Variants in ZBTB20 observed in about 807,000 individuals in gnomAD.
The protein encoded by ZBTB20 is zinc finger and BTB domain containing 20.
Under a neutral mutation model 56.9 loss-of-function variants are expected in ZBTB20, and 9 were observed. That is an observed-to-expected ratio of 0.16 (90% confidence interval 0.10 to 0.28). The LOEUF (loss-of-function observed/expected upper bound fraction) is 0.28. Among genes scored for constraint, ZBTB20 ranks in the 10% least tolerant of loss-of-function variants. The probability of loss-of-function intolerance (pLI) is 1.00; values close to 1 mark genes in which losing one functional copy is unlikely to be tolerated. For synonymous variants in ZBTB20, 417 were observed against 420.7 expected (o/e 0.99, Z 0.11); for missense variants, 655 against 1,003.0 (o/e 0.65, Z 4.69).
At chr3:114,911,316 C>G (rs2107709705) in intron 3 of ZBTB20, among the ~76,000 whole-genome samples, 1 of 151,988 alleles carries the variant, frequency 6.6e-6, no homozygotes, top group Non-Finnish European at 1.5e-5. Flanking sequence ...ACAAAGGGGC[C>G]TGGAAGAAGT....
intron 2 of ZBTB20, among the ~76,000 whole-genome samples, chr3:115,042,689 C>A (rs75716958): frequency 0.019 from 2,830 of 152,286 alleles, 35 homozygotes; most frequent in Middle Eastern, 0.037. Flanking sequence ...CACACTCATA[C>A]AAAATGCATT....
At chr3:114,894,960 A>G (rs1405335169) in intron 4 of ZBTB20, among the ~76,000 whole-genome samples, 1 of 152,102 alleles carries the variant, frequency 6.6e-6, no homozygotes, top group East Asian at 1.9e-4. Context: ...AATCAATTCT[A>G]TATATATTAT....
chr3:114,759,702 AT>A (rs922889008), intron 5 of ZBTB20, among the ~76,000 whole-genome samples: 1 of 152,070 alleles, frequency 6.6e-6, no homozygotes, highest in Non-Finnish European at 1.5e-5. Context: ...TAAAAAAAAA[AT>A]CTCATACCTC....
chr3:114,892,033 C>T (rs147160668), intron 4 of ZBTB20, among the ~76,000 whole-genome samples: 7 of 151,210 alleles, frequency 4.6e-5, no homozygotes, highest in Non-Finnish European at 7.4e-5. Flanking sequence ...GGCGACAGAG[C>T]GAGACTCCAT....
At chr3:114,529,864 T>C (rs1360656200) in intron 6 of ZBTB20, among the ~76,000 whole-genome samples, 2 of 152,238 alleles carry the variant, frequency 1.3e-5, no homozygotes, top group Non-Finnish European at 2.9e-5. Context: ...GCCTTTTTTA[T>C]ATATTTGTGT....
Position 114,335,062 on chromosome 3 carries a change from T to C in ZBTB20, c.*3943A>G, listed in dbSNP as rs2079403999. ...TGATGCTGAGATAATACCAGTGTTT[T>C]TAGTGGTAGAAAATATTATTTTTTT... is the stretch of plus-strand genomic sequence containing the variant. On this transcript the variant is annotated 3_prime_UTR_variant, in exon 12 of 12. Coordinates refer to ENST00000675478, the MANE Select transcript of ZBTB20 (RefSeq NM_001348800.3). The C allele has an allele frequency of 6.6e-6, 1 of 152,212 alleles. No homozygotes were observed. The highest frequency in any genetic ancestry group is 2.4e-5 in the African/African-American group (1 of 41,458). 9.4% of individuals were successfully genotyped at this position (152,212 alleles called of 1,614,324 possible).
At chr3:114,645,880 G>A (rs1423606590) in intron 6 of ZBTB20, among the ~76,000 whole-genome samples, 1 of 151,868 alleles carries the variant, frequency 6.6e-6, no homozygotes, top group East Asian at 1.9e-4. Flanking sequence ...TTAGTTTTTT[G>A]CCAAACAAAT....
intron 4 of ZBTB20, among the ~76,000 whole-genome samples, chr3:114,826,081 G>T (rs2073509082): frequency 6.6e-6 from 1 of 151,538 alleles, no homozygotes; most frequent in Admixed American, 6.6e-5. Context: ...GCCTTTAGTT[G>T]CCATAAACAA....
intron 5 of ZBTB20, among the ~76,000 whole-genome samples, chr3:114,735,274 A>T (rs978377130): frequency 4.6e-5 from 7 of 152,246 alleles, no homozygotes; most frequent in African/African-American, 1.7e-4. Flanking sequence ...GTTTCTAATA[A>T]GATTTAGTTT....
chr3:114,846,558 A>G (rs2074715788), intron 4 of ZBTB20, among the ~76,000 whole-genome samples: 1 of 152,214 alleles, frequency 6.6e-6, no homozygotes, highest in African/African-American at 2.4e-5. Context: ...AGGGTAATCA[A>G]TCTGAGCCTA....
At chr3:115,140,198 A>G (rs1000658554) in intron 1 of ZBTB20, among the ~76,000 whole-genome samples, 19 of 152,090 alleles carry the variant, frequency 1.2e-4, no homozygotes, top group African/African-American at 4.1e-4. Flanking sequence ...AGATCATGTA[A>G]CTAATTAATG....
intron 3 of ZBTB20, among the ~76,000 whole-genome samples, chr3:114,964,400 G>A (rs2077567081): frequency 1.3e-5 from 2 of 152,142 alleles, no homozygotes; most frequent in Non-Finnish European, 2.9e-5. Context: ...GGGCAACAGA[G>A]TGCGAGTCTG....
At chr3:115,114,872 G>C (rs894305225) in intron 1 of ZBTB20, among the ~76,000 whole-genome samples, 2 of 152,052 alleles carry the variant, frequency 1.3e-5, no homozygotes, top group Non-Finnish European at 2.9e-5. Context: ...ACAGTCACCT[G>C]TCATAACAGA....
intron 4 of ZBTB20, among the ~76,000 whole-genome samples, chr3:114,862,154 C>A (rs2075565125): frequency 6.6e-6 from 1 of 152,092 alleles, no homozygotes; most frequent in African/African-American, 2.4e-5. Flanking sequence ...CTGTACATTT[C>A]TTTTAGCAAT....
In ZBTB20 at chr3:114,947,176, T is replaced by C. The variant is rs1209456761; in HGVS notation, c.-456+27190A>G. Among the ~76,000 whole-genome samples the C allele has an allele frequency of 3.4e-5, 5 of 145,844 alleles. 2 individuals carry two copies. The highest frequency in any genetic ancestry group is 1.1e-4 in the African/African-American group (4 of 35,982). On this transcript the variant is annotated intron_variant, in intron 3 of 11. Transcript: ENST00000675478. ...AAAAACAGCAGATCTTGGCAAGCAA[T>C]TGCAGAAAAGGAAACGCTTATACAC...
chr3:114,368,706 C>T (rs1448320253), intron 10 of ZBTB20, among the ~76,000 whole-genome samples: 3 of 152,258 alleles, frequency 2.0e-5, no homozygotes, highest in Non-Finnish European at 4.4e-5. Context: ...AGGTCAAGAA[C>T]TCCTGCTCTG....
intron 5 of ZBTB20, among the ~76,000 whole-genome samples, chr3:114,706,831 G>A (rs1462838500): frequency 1.3e-5 from 2 of 152,046 alleles, no homozygotes. Flanking sequence ...GGTTAGAGGG[G>A]TGGGGTGAAG....
chr3:114,467,761 A>T (rs2092609215), intron 7 of ZBTB20, among the ~76,000 whole-genome samples: 1 of 152,230 alleles, frequency 6.6e-6, no homozygotes, highest in African/African-American at 2.4e-5. Flanking sequence ...GTTTGATTTT[A>T]ATTCAAAAGA....
intron 1 of ZBTB20, among the ~76,000 whole-genome samples, chr3:115,117,189 T>C (rs1315075676): frequency 6.6e-6 from 1 of 152,154 alleles, no homozygotes; most frequent in East Asian, 1.9e-4. Flanking sequence ...AATCCAAAAA[T>C]AATTTGTTTG....
Sources: allele counts gnomAD v4.1 joint callset (sites outside exome capture counted in the v4.1 genomes callset), GRCh38; gene constraint gnomAD v4.1.1; transcripts MANE v1.5; gene names NCBI Gene and HGNC (gene_info 2026-07-23, HGNC 2026-07-21).